Variants in ACTL6A observed in about 807,000 individuals in gnomAD.
ACTL6A encodes actin like 6A.
In ACTL6A, 5 loss-of-function variants were observed where a neutral mutation model predicts 59.2. That is an observed-to-expected ratio of 0.08 (90% CI 0.04 to 0.18). The LOEUF is 0.18. Among genes scored for constraint, ACTL6A ranks in the 10% least tolerant of loss-of-function variants. The pLI is 1.00. For synonymous variants in ACTL6A, 154 were observed against 171.8 expected (o/e 0.90, Z 0.81); for missense variants, 285 against 526.9 (o/e 0.54, Z 4.49).
intron 8 of ACTL6A, 55 bp downstream of exon 8, chr3:179,576,968 TAAAA>T (rs919843540): frequency 2.1e-6 from 3 of 1,435,294 alleles, no homozygotes; most frequent in South Asian, 1.3e-5. Context: ...GCATGAGTAT[TAAAA>T]AAAGTTATAT....
At chr3:179,579,881 C>T (rs1323270689) in intron 8 of ACTL6A, among the ~76,000 whole-genome samples, 1 of 152,192 alleles carries the variant, frequency 6.6e-6, no homozygotes, top group Non-Finnish European at 1.5e-5. Flanking sequence ...CACCTGGGCT[C>T]CCCCTGCCTC....
chr3:179,577,850 G>C (rs1718216304), intron 8 of ACTL6A, among the ~76,000 whole-genome samples: 2 of 149,624 alleles, frequency 1.3e-5, no homozygotes, highest in African/African-American at 2.5e-5. Flanking sequence ...AATATTCTGT[G>C]GTCTGTATGT....
chr3:179,576,589 C>A, intron 6 of ACTL6A, 31 bp from the exon 7 acceptor site: 1 of 1,537,368 alleles, frequency 6.5e-7, no homozygotes, highest in African/African-American at 1.4e-5. Context: ...GGACTTACTG[C>A]CCTCTTAGCC....
intron 8 of ACTL6A, among the ~76,000 whole-genome samples, chr3:179,579,455 TACACAC>T (rs10650822): frequency 2.0e-3 from 294 of 145,144 alleles, no homozygotes; most frequent in African/African-American, 6.9e-3. Flanking sequence ...TTATATCATA[TACACAC>T]ACACACACAC....
At chr3:179,587,065 A>G (rs1718517991) in intron 13 of ACTL6A, among the ~76,000 whole-genome samples, 3 of 152,118 alleles carry the variant, frequency 2.0e-5, no homozygotes. Flanking sequence ...GGGGTGTAAG[A>G]TGTTGCTTGG....
chr3:179,573,287 A>C lies in ACTL6A; in HGVS notation c.278-82A>C, dbSNP rs545940291. ...CTGTATACTAAAGTATTAATTGTTA[A>C]GTCATAGAAACAATTTCTCAAAAGA... On this transcript the variant is annotated intron_variant, in intron 3 of 13. Coordinates refer to ENST00000429709, the MANE Select transcript of ACTL6A (RefSeq NM_004301.5). 1.2e-5 allele frequency: 11 copies of C among 880,472 alleles called. No individual in the cohort carries two copies. The African/African-American group carries it at 1.9e-4, about 16-fold the overall frequency. The allele number at this position is 880,472 out of a possible 1,614,324, so 54.5% of individuals were successfully genotyped here. A position where few individuals can be genotyped will look rare whatever the true frequency, so the allele number is the denominator to read the frequency against.
In ACTL6A at chr3:179,563,025, C is replaced by T. The variant is rs1717709827; in HGVS notation, c.-68C>T. 1.3e-6 allele frequency: 2 copies of T among 1,583,152 alleles called. No individual in the cohort carries two copies. Among genetic ancestry groups the T allele is most frequent in the East Asian group, 2.3e-5 (1 of 44,160 alleles). On this transcript the variant is annotated 5_prime_UTR_variant, in exon 1 of 14. Transcript: ENST00000429709. ...TCAGGGGCTATCGCTCCTCGAGACT[C>T]GCAGTCGCGGCCACTGCAGTCACTT... is the stretch of plus-strand genomic sequence containing the variant.
chr3:179,574,895 C>T (rs146774721), intron 5 of ACTL6A: 2 of 175,412 alleles, frequency 1.1e-5, no homozygotes, highest in African/African-American at 4.8e-5. Context: ...CTATTTGCTT[C>T]TCTCTGTCCT....
chr3:179,583,616 C>T (rs939344521), intron 12 of ACTL6A, 168 bp downstream of exon 12: 2 of 498,778 alleles, frequency 4.0e-6, no homozygotes, highest in Non-Finnish European at 7.1e-6. Context: ...TAGTTGACAT[C>T]TATTAGTTTC....
intron 8 of ACTL6A, among the ~76,000 whole-genome samples, chr3:179,578,422 C>T (rs1718234549): frequency 1.3e-5 from 2 of 152,086 alleles, no homozygotes; most frequent in South Asian, 4.1e-4. Flanking sequence ...CCACTGCGCT[C>T]CTGCCTGGGC....
At chr3:179,573,578 T>A in intron 4 of ACTL6A, 109 bp downstream of exon 4, 1 of 700,654 alleles carries the variant, frequency 1.4e-6, no homozygotes, top group Non-Finnish European at 2.3e-6. Context: ...TAAAGAGGCA[T>A]AGAAATTCAT....
At chr3:179,567,975 C>T (rs1233132438) in intron 1 of ACTL6A, among the ~76,000 whole-genome samples, 1 of 151,900 alleles carries the variant, frequency 6.6e-6, no homozygotes, top group African/African-American at 2.4e-5. Flanking sequence ...AGTTTGAGAC[C>T]AGCCTGGCCA....
rs1283031730 is a variant in ACTL6A, at chr3:179,570,103, A to C, written c.139A>C (p.Arg47=). The change falls in exon 3 of 14, where the codon AGA becomes CGA. Residue 47 remains arginine (R), a synonymous_variant. Coordinates refer to ENST00000429709, the MANE Select transcript of ACTL6A (RefSeq NM_004301.5). The surrounding 1 kb of genome is among the most constrained non-coding windows in gnomAD (Gnocchi z 4.3). ...TACAGCTATTGGTATGGTGGTAGAA[A>C]GAGATGACGGAAGCACATTAATGGA... is the stretch of plus-strand genomic sequence containing the variant. ...FPTAIGMVVE[R]DDGSTLMEID... 6.2e-7 allele frequency: 1 copy of C among 1,614,060 alleles called. No individual in the cohort carries two copies. The highest frequency in any genetic ancestry group is 1.3e-5 in the African/African-American group (1 of 74,928).
At chr3:179,586,876 T>C (rs935666936) in intron 13 of ACTL6A, among the ~76,000 whole-genome samples, 2 of 152,000 alleles carry the variant, frequency 1.3e-5, no homozygotes, top group African/African-American at 4.8e-5. Flanking sequence ...AATATGTTAA[T>C]GTATGCATGC....
At chr3:179,568,808 T>C (rs1717916624) in intron 1 of ACTL6A, among the ~76,000 whole-genome samples, 1 of 152,210 alleles carries the variant, frequency 6.6e-6, no homozygotes, top group South Asian at 2.1e-4. Context: ...ACTTAGCATG[T>C]GTATTTTCTA....
At chr3:179,569,336 TGG>T (rs1553777196) in intron 1 of ACTL6A, among the ~76,000 whole-genome samples, 16 of 152,230 alleles carry the variant, frequency 1.1e-4, no homozygotes, top group Non-Finnish European at 1.5e-5. Context: ...ATTATAGTAC[TGG>T]GGTACTGTAC....
At chr3:179,571,156 C>T (rs528665618) in intron 3 of ACTL6A, among the ~76,000 whole-genome samples, 1 of 152,132 alleles carries the variant, frequency 6.6e-6, no homozygotes, top group Non-Finnish European at 1.5e-5. Flanking sequence ...GTGGCTCGCG[C>T]CTATATAATC....
At chr3:179,585,987 T>C (rs1718477214) in intron 12 of ACTL6A, among the ~76,000 whole-genome samples, 1 of 152,094 alleles carries the variant, frequency 6.6e-6, no homozygotes, top group African/African-American at 2.4e-5. Flanking sequence ...AGGAAGCAGT[T>C]AGAAGGTTGG....
At position 179,580,853 on chromosome 3, in the gene ACTL6A, A is replaced by AT. The variant is rs773913517; in HGVS notation, c.831-35dup. The AT allele has an allele frequency of 9.8e-6, 15 of 1,527,334 alleles. No individual in the cohort carries two copies. The South Asian group carries it at 1.3e-4, about 14-fold the overall frequency. The allele number at this position is 1,527,334 out of a possible 1,614,324, so 94.6% of individuals were successfully genotyped here. On this transcript the variant is annotated intron_variant, in intron 9 of 13. Transcript: ENST00000429709. ...GTAGTTTATAATTTTGAAGAGAATT[A>AT]TTTTTTGTCTTTTGTGTAATACGGT... is the stretch of plus-strand genomic sequence containing the variant.
Sources: allele counts gnomAD v4.1 joint callset (sites outside exome capture counted in the v4.1 genomes callset), GRCh38; gene constraint gnomAD v4.1.1; non-coding constraint Gnocchi (gnomAD v3.1); transcripts MANE v1.5; gene names NCBI Gene and HGNC (gene_info 2026-07-23, HGNC 2026-07-21).